The following CNTNAP2 variants were observed in gnomAD, a reference collection of about 807,000 sequenced individuals.
CNTNAP2 encodes the protein contactin associated protein 2, also known as contactin-associated protein-like 2.
In CNTNAP2, 98 loss-of-function variants were observed where a neutral mutation model predicts 155.2. The ratio of observed to expected loss-of-function variants is 0.63; its 90% CI spans 0.54 to 0.75. The LOEUF is 0.75. CNTNAP2 is among the 30% of genes least tolerant of loss of function. CNTNAP2 has a pLI of 0.00. For synonymous variants in CNTNAP2, 651 were observed against 631.2 expected, an observed-to-expected ratio of 1.03 and a Z score of -0.47; for missense variants, 1,727 against 1,688.1, an observed-to-expected ratio of 1.02 and a Z score of -0.40.
chr7:147,804,181 G>C (rs1004541211), intron 13 of CNTNAP2, among the ~76,000 whole-genome samples: 1 of 152,118 alleles, frequency 6.6e-6, no homozygotes, highest in African/African-American at 2.4e-5. Flanking sequence ...GATCTATAAA[G>C]GGATCTACTA....
intron 15 of CNTNAP2, among the ~76,000 whole-genome samples, chr7:148,057,014 C>A (rs921419568): frequency 8.5e-5 from 13 of 152,174 alleles, no homozygotes; most frequent in South Asian, 2.1e-4. Flanking sequence ...CATCACTTGC[C>A]TTTAGGAAAG....
At chr7:146,975,476 T>A (rs945837793) in intron 3 of CNTNAP2, among the ~76,000 whole-genome samples, 8 of 151,664 alleles carry the variant, frequency 5.3e-5, no homozygotes, top group African/African-American at 1.5e-4. Context: ...GAAAAAATAA[T>A]AATAAACAAA....
At chr7:147,748,647 C>A (rs369541217) in intron 13 of CNTNAP2, among the ~76,000 whole-genome samples, 76 of 152,310 alleles carry the variant, frequency 5.0e-4, no homozygotes, top group African/African-American at 1.6e-3. Flanking sequence ...ATGCTACATT[C>A]TTGTGCAAAC....
rs1800628402 is a variant in CNTNAP2, at chr7:147,586,554, G to A, written c.1897+24297G>A. Among the ~76,000 whole-genome samples, 2 of 102,818 alleles carry A rather than the reference G, an allele frequency of 1.9e-5. 1 individual carries two copies. Among genetic ancestry groups the A allele is most frequent in the African/African-American group, 7.0e-5 (2 of 28,720 alleles). The allele number at this position is 102,818 out of a possible 152,430, so 67.5% of individuals were successfully genotyped here. Reference sequence around the variant, plus strand: ...GGAAGGAAGGAAGGAAGGGAGGGAGGGAGGGAGGGAGGGAGGGAGGGAGGG... The same window carrying A: ...GGAAGGAAGGAAGGAAGGGAGGGAGAGAGGGAGGGAGGGAGGGAGGGAGGG... On this transcript the variant is annotated intron_variant, in intron 12 of 23. Transcript: ENST00000361727.
Position 147,995,429 on chromosome 7 carries a change from G to A in CNTNAP2, c.2383+17440G>A, listed in dbSNP as rs143048318. Reference sequence around the variant, plus strand: ...CCATAGAAGTATTAAGAAGATGTGGGAACATCCAGATCTTCAACCTCACAC... The same window carrying A: ...CCATAGAAGTATTAAGAAGATGTGGAAACATCCAGATCTTCAACCTCACAC... On this transcript the variant is annotated intron_variant, in intron 15 of 23. Coordinates refer to ENST00000361727, the MANE Select transcript of CNTNAP2 (RefSeq NM_014141.6). 2.4e-4 allele frequency among the ~76,000 whole-genome samples: 37 copies of A among 151,988 alleles called. No individual in the cohort carries two copies. In the East Asian group the frequency reaches 4.7e-3, roughly 19 times the overall value.
At chr7:146,755,309 G>A (rs564548654) in intron 1 of CNTNAP2, among the ~76,000 whole-genome samples, 1 of 152,008 alleles carries the variant, frequency 6.6e-6, no homozygotes, top group African/African-American at 2.4e-5. Context: ...TTCTGAACAG[G>A]GACGGACTCA....
chr7:148,311,540 A>G (rs543462378), intron 21 of CNTNAP2, among the ~76,000 whole-genome samples: 2 of 152,290 alleles, frequency 1.3e-5, no homozygotes, highest in Admixed American at 6.5e-5. Context: ...AAGATCATCT[A>G]TCCACTCTAA....
chr7:147,443,102 T>C (rs1301296765), intron 10 of CNTNAP2, among the ~76,000 whole-genome samples: 1 of 152,102 alleles, frequency 6.6e-6, no homozygotes, highest in Non-Finnish European at 1.5e-5. Context: ...AGTTGCGGTC[T>C]TCATGGCCTA....
At chr7:146,134,947 C>T (rs1797774950) in intron 1 of CNTNAP2, among the ~76,000 whole-genome samples, 2 of 151,306 alleles carry the variant, frequency 1.3e-5, no homozygotes, top group African/African-American at 2.4e-5. Flanking sequence ...GGGAGGATTC[C>T]CTCTTTTTCT....
At chr7:147,294,486 C>T (rs574752668) in intron 8 of CNTNAP2, among the ~76,000 whole-genome samples, 17 of 152,220 alleles carry the variant, frequency 1.1e-4, no homozygotes, top group African/African-American at 4.1e-4. Context: ...TATATGTTTT[C>T]CCAAGCCTCA....
intron 15 of CNTNAP2, among the ~76,000 whole-genome samples, chr7:148,052,920 G>C (rs35751953): frequency 0.036 from 5,493 of 152,120 alleles, 244 homozygotes; most frequent in East Asian, 0.26. Flanking sequence ...AGTGGCGCAC[G>C]CCTGTAGTCC....
At chr7:147,309,562 T>C (rs1795086098) in intron 9 of CNTNAP2, among the ~76,000 whole-genome samples, 1 of 152,110 alleles carries the variant, frequency 6.6e-6, no homozygotes, top group African/African-American at 2.4e-5. Flanking sequence ...TTTTTCCACT[T>C]TTTTCGTAGA....
chr7:147,241,171 A>G (rs1348020177), intron 8 of CNTNAP2, among the ~76,000 whole-genome samples: 1 of 152,170 alleles, frequency 6.6e-6, no homozygotes, highest in Non-Finnish European at 1.5e-5. Flanking sequence ...AATCTTTAAC[A>G]ACGTTTCTCT....
chr7:146,381,234 T>C (rs1161493380), intron 1 of CNTNAP2, among the ~76,000 whole-genome samples: 1 of 152,208 alleles, frequency 6.6e-6, no homozygotes, highest in Non-Finnish European at 1.5e-5. Flanking sequence ...TTTTTAATCA[T>C]TGACCTGAGA....
intron 15 of CNTNAP2, among the ~76,000 whole-genome samples, chr7:148,114,780 A>G (rs1250609638): frequency 6.6e-6 from 1 of 152,224 alleles, no homozygotes; most frequent in Admixed American, 6.5e-5. Context: ...CACTGCATTT[A>G]TATAGTGTAC....
chr7:146,194,686 CTTTA>C (rs543042483), intron 1 of CNTNAP2, among the ~76,000 whole-genome samples: 83 of 152,252 alleles, frequency 5.5e-4, no homozygotes, highest in Admixed American at 4.1e-3. Context: ...CACTAATGAG[CTTTA>C]TTTATGTGGA....
chr7:147,882,419 T>G (rs1434162599), intron 13 of CNTNAP2, among the ~76,000 whole-genome samples: 1 of 152,192 alleles, frequency 6.6e-6, no homozygotes, highest in Non-Finnish European at 1.5e-5. Context: ...CACTGTCAAA[T>G]AGTGGACATC....
At chr7:147,104,684 ATATTCTTT>A (rs1800721768) in intron 4 of CNTNAP2, among the ~76,000 whole-genome samples, 1 of 150,788 alleles carries the variant, frequency 6.6e-6, no homozygotes, top group Non-Finnish European at 1.5e-5. Flanking sequence ...TTCAAATTAT[ATATTCTTT>A]TATAAGTGTC....
chr7:147,889,040 A>G (rs1285218254), intron 13 of CNTNAP2, among the ~76,000 whole-genome samples: 1 of 152,124 alleles, frequency 6.6e-6, no homozygotes, highest in African/African-American at 2.4e-5. Context: ...AAGCTATAAA[A>G]TTGCTGTATT....
Sources: gnomAD v4.1 joint callset for allele counts (sites outside exome capture counted in the v4.1 genomes callset) on GRCh38, gnomAD v4.1.1 for gene constraint, MANE v1.5 for transcripts, NCBI Gene and HGNC (gene_info 2026-07-23, HGNC 2026-07-21) for gene names.